The following MYO1E variants were observed in gnomAD, a reference collection of about 807,000 sequenced individuals.
The protein encoded by MYO1E is myosin IE, also known as unconventional myosin-Ie.
MYO1E carries 68 observed loss-of-function variants against 151.1 expected under a neutral mutation model. The observed-to-expected ratio is 0.45, with a 90% CI of 0.37 to 0.55. The LOEUF (loss-of-function observed/expected upper bound fraction) is 0.55, where lower values mean the gene tolerates loss of function less well. Among genes scored for constraint, MYO1E ranks in the 20% least tolerant of loss-of-function variants. The pLI, the probability that MYO1E is intolerant of heterozygous loss-of-function variation, is 0.00. For synonymous variants in MYO1E, 601 were observed against 501.7 expected (o/e 1.20, Z -2.64); for missense variants, 1,363 against 1,389.3 (o/e 0.98, Z 0.30).
intron 1 of MYO1E, among the ~76,000 whole-genome samples, chr15:59,320,884 A>G (rs575074846): frequency 2.2e-4 from 34 of 152,348 alleles, no homozygotes; most frequent in Non-Finnish European, 4.0e-4. Flanking sequence ...AACTATTAAC[A>G]AAGTAAAAAG....
At chr15:59,333,473 G>A (rs1567017469) in intron 1 of MYO1E, among the ~76,000 whole-genome samples, 1 of 152,076 alleles carries the variant, frequency 6.6e-6, no homozygotes, top group Non-Finnish European at 1.5e-5. Context: ...AAACTTCTGG[G>A]CTCAAGCGAT....
intron 17 of MYO1E, 125 bp downstream of exon 17, chr15:59,195,336 G>C: frequency 1.2e-6 from 1 of 860,926 alleles, no homozygotes; most frequent in South Asian, 1.4e-5. Flanking sequence ...AAAAAGTTAA[G>C]ATGCAAGGGC....
chr15:59,286,561 G>A (rs959156322), intron 1 of MYO1E, among the ~76,000 whole-genome samples: 2 of 152,076 alleles, frequency 1.3e-5, no homozygotes, highest in East Asian at 3.9e-4. Context: ...CGTGCTAAGC[G>A]GGGGAAGGGT....
chr15:59,195,516 T>A lies in MYO1E; in HGVS notation c.1750A>T (p.Ile584Phe), dbSNP rs373643814. ...STLMKCTPHY[I>F]RCIKPNETKK... Reference sequence around the variant, plus strand: ...GTTTCGTTTGGCTTGATGCAGCGAATGTAGTGGGGCGTACATTTCATCAGG... The same window carrying A: ...GTTTCGTTTGGCTTGATGCAGCGAAAGTAGTGGGGCGTACATTTCATCAGG... Residue 584 changes from isoleucine (I) to phenylalanine (F), a missense_variant, in exon 17 of 28, where the codon ATT becomes TTT. Ile to Phe is a conservative substitution (Grantham distance 21, BLOSUM62 0). Transcript: ENST00000288235. 3 of 1,614,064 alleles carry A rather than the reference T, an allele frequency of 1.9e-6. No individual in the cohort carries two copies. The African/African-American group carries it at 4.0e-5, about 22-fold the overall frequency.
intron 2 of MYO1E, among the ~76,000 whole-genome samples, chr15:59,269,705 C>CA (rs569591592): frequency 4.6e-5 from 7 of 151,876 alleles, no homozygotes; most frequent in Non-Finnish European, 1.0e-4. Context: ...ACTAAAAATA[C>CA]AAAAATTAGC....
At chr15:59,214,591 A>G (rs749371205) in intron 11 of MYO1E, 49 bp downstream of exon 11, 5 of 1,450,158 alleles carry the variant, frequency 3.4e-6, no homozygotes, top group African/African-American at 1.4e-5. Flanking sequence ...TGCAGGCCAG[A>G]TGAAATACGT....
intron 13 of MYO1E, 103 bp downstream of exon 13, chr15:59,210,411 C>A: frequency 1.2e-6 from 1 of 833,460 alleles, no homozygotes; most frequent in South Asian, 1.4e-5. Context: ...CTCTGCAAAT[C>A]AGAGTTGTCA....
chr15:59,229,883 C>A (rs1219201639), intron 6 of MYO1E, among the ~76,000 whole-genome samples: 5 of 151,334 alleles, frequency 3.3e-5, no homozygotes, highest in African/African-American at 1.2e-4. Context: ...TAAAAAAAAA[C>A]AAGAACATAT....
intron 2 of MYO1E, among the ~76,000 whole-genome samples, chr15:59,262,453 A>AAAAAAC (rs530509447): frequency 9.5e-4 from 145 of 152,084 alleles, no homozygotes; most frequent in Middle Eastern, 3.4e-3. Context: ...TCCATCTCTA[A>AAAAAAC]AAAAACAAAA....
intron 1 of MYO1E, among the ~76,000 whole-genome samples, chr15:59,281,091 G>A (rs554965421): frequency 2.0e-5 from 3 of 152,210 alleles, no homozygotes; most frequent in Non-Finnish European, 4.4e-5. Context: ...AGGTCTTTAC[G>A]TAATTTCCTC....
chr15:59,139,796 G>T (rs75116019), intron 26 of MYO1E, among the ~76,000 whole-genome samples: 2,256 of 144,712 alleles, frequency 0.016, 57 homozygotes, highest in Middle Eastern at 0.057. Flanking sequence ...CCTCCGACCT[G>T]CTCATTATTA....
intron 16 of MYO1E, among the ~76,000 whole-genome samples, chr15:59,200,306 T>G (rs1164852982): frequency 1.3e-5 from 2 of 152,210 alleles, no homozygotes; most frequent in Non-Finnish European, 2.9e-5. Flanking sequence ...TATCCAGGAC[T>G]TTGCAGTAAA....
chr15:59,144,058 G>A (rs2079426557), intron 26 of MYO1E, among the ~76,000 whole-genome samples: 1 of 152,158 alleles, frequency 6.6e-6, no homozygotes, highest in Admixed American at 6.5e-5. Flanking sequence ...GGGGGACGTG[G>A]GCTTGAGTCT....
chr15:59,301,916 G>A (rs780113643), intron 1 of MYO1E, among the ~76,000 whole-genome samples: 12 of 151,546 alleles, frequency 7.9e-5, no homozygotes, highest in African/African-American at 1.5e-4. Flanking sequence ...CTACTGATTC[G>A]TTTTTCCTAA....
At chr15:59,223,423 C>T (rs1389650472) in intron 8 of MYO1E, among the ~76,000 whole-genome samples, 1 of 152,142 alleles carries the variant, frequency 6.6e-6, no homozygotes, top group South Asian at 2.1e-4. Flanking sequence ...CTGCCCAATG[C>T]ACACATTCTT....
At chr15:59,156,277 C>G (rs192710983) in intron 25 of MYO1E, among the ~76,000 whole-genome samples, 1 of 152,138 alleles carries the variant, frequency 6.6e-6, no homozygotes, top group East Asian at 1.9e-4. Flanking sequence ...CTCCACCTCC[C>G]GGGTTCAAGC....
chr15:59,247,597 G>A (rs1438806869), intron 4 of MYO1E, among the ~76,000 whole-genome samples: 1 of 152,168 alleles, frequency 6.6e-6, no homozygotes, highest in Non-Finnish European at 1.5e-5. Context: ...TATCTTGCGG[G>A]GTCTGATGGT....
intron 1 of MYO1E, among the ~76,000 whole-genome samples, chr15:59,294,115 T>G (rs1224824461): frequency 1.3e-5 from 2 of 152,204 alleles, no homozygotes; most frequent in African/African-American, 4.8e-5. Flanking sequence ...GGAAAGAGCG[T>G]CTGGCTGGCT....
intron 26 of MYO1E, among the ~76,000 whole-genome samples, chr15:59,140,839 GGGA>G (rs2079404544): frequency 2.0e-5 from 3 of 152,282 alleles, no homozygotes; most frequent in Middle Eastern, 3.4e-3. Flanking sequence ...CCACGTGGGA[GGGA>G]GCAATCCTCA....
Sources: allele counts gnomAD v4.1 joint callset (sites outside exome capture counted in the v4.1 genomes callset), GRCh38; gene constraint gnomAD v4.1.1; transcripts MANE v1.5; gene names NCBI Gene and HGNC (gene_info 2026-07-23, HGNC 2026-07-21).